The following TIAM2 variants were observed in gnomAD, a reference collection of about 807,000 sequenced individuals.
TIAM2 encodes the protein TIAM Rac1 associated GEF 2.
In TIAM2, 80 loss-of-function variants were observed where a neutral mutation model predicts 152.9. That is an observed-to-expected ratio of 0.52 (90% CI 0.44 to 0.63). The LOEUF is 0.63. Among genes scored for constraint, TIAM2 ranks in the 30% least tolerant of loss-of-function variants. TIAM2 has a pLI of 0.00. For missense variants in TIAM2, 1,965 were observed against 2,120.1 expected, an observed-to-expected ratio of 0.93 and a Z score of 1.44; for synonymous variants, 804 against 838.0, an observed-to-expected ratio of 0.96 and a Z score of 0.70.
At chr6:155,164,855 C>T (rs1419506871) in intron 8 of TIAM2, among the ~76,000 whole-genome samples, 2 of 152,168 alleles carry the variant, frequency 1.3e-5, no homozygotes, top group Admixed American at 6.5e-5. Context: ...CTCTGCCTTT[C>T]TGTGTATTCC....
intron 14 of TIAM2, among the ~76,000 whole-genome samples, chr6:155,202,103 G>A (rs1246826659): frequency 1.3e-5 from 2 of 152,208 alleles, no homozygotes; most frequent in African/African-American, 4.8e-5. Context: ...TTAAGAGTAG[G>A]TAATAATAAA....
chr6:155,086,806 G>T (rs1778181498), intron 1 of TIAM2, among the ~76,000 whole-genome samples: 1 of 151,622 alleles, frequency 6.6e-6, no homozygotes, highest in African/African-American at 2.4e-5. Context: ...TGATGGAAAA[G>T]CAAGCCAAGC....
intron 5 of TIAM2, among the ~76,000 whole-genome samples, chr6:155,140,866 C>T (rs1280882067): frequency 3.9e-5 from 6 of 152,138 alleles, no homozygotes; most frequent in African/African-American, 1.4e-4. Context: ...GCCATGGGCA[C>T]GTGGAAAGAT....
Position 155,256,695 on chromosome 6 carries a change from T to TGATGCCGA in TIAM2, c.4680_4681insGATGCCGA (p.Leu1561AspfsTer11). 6.2e-7 allele frequency: 1 copy of TGATGCCGA among 1,614,074 alleles called. No individual in the cohort carries two copies. Among genetic ancestry groups the TGATGCCGA allele is most frequent in the Non-Finnish European group, 8.5e-7 (1 of 1,180,018 alleles). ...CCGGCTTGGCAGATTTTGCCGACAA[T>TGATGCCGA]CTCATCAAAGAGAGTGACATCCTGA... is the stretch of plus-strand genomic sequence containing the variant. On this transcript the variant is annotated frameshift_variant, in exon 27 of 27. Transcript: ENST00000682666. LOFTEE classifies it low-confidence loss of function (END_TRUNC).
intron 7 of TIAM2, among the ~76,000 whole-genome samples, chr6:155,157,323 C>T (rs557936107): frequency 5.1e-4 from 78 of 152,296 alleles, no homozygotes; most frequent in African/African-American, 1.8e-3. Context: ...TTTATCAGAG[C>T]CTCTGCCTTA....
intron 2 of TIAM2, among the ~76,000 whole-genome samples, chr6:155,110,356 TAC>T (rs1778812691): frequency 6.6e-6 from 1 of 151,246 alleles, no homozygotes; most frequent in South Asian, 2.1e-4. Context: ...TCTATTTACT[TAC>T]CTGTTTACCA....
At chr6:155,120,799 T>G (rs1779132622) in intron 2 of TIAM2, among the ~76,000 whole-genome samples, 1 of 152,150 alleles carries the variant, frequency 6.6e-6, no homozygotes, top group Admixed American at 6.5e-5. Flanking sequence ...ACCCACTAGG[T>G]GACAGTAGCA....
In TIAM2 at chr6:155,053,378, C is replaced by T. The variant is rs187236619; in HGVS notation, c.-208-36911C>T. 3.5e-3 allele frequency among the ~76,000 whole-genome samples: 524 copies of T among 151,194 alleles called. 3 individuals are homozygous for T. Among genetic ancestry groups the T allele is most frequent in the African/African-American group, 0.012 (489 of 41,294 alleles). ...TCACGTTGCCTAGGCTGCTCTTGAA[C>T]TCTTGATCTCATGCGATCCTCCTGC... is the stretch of plus-strand genomic sequence containing the variant. On this transcript the variant is annotated intron_variant, in intron 1 of 26. Coordinates refer to ENST00000682666, the MANE Select transcript of TIAM2 (RefSeq NM_012454.4).
intron 14 of TIAM2, among the ~76,000 whole-genome samples, chr6:155,191,745 A>G (rs1340201892): frequency 6.6e-6 from 1 of 152,126 alleles, no homozygotes; most frequent in Non-Finnish European, 1.5e-5. Flanking sequence ...TAGTGAGCCA[A>G]GATTGCGCCA....
chr6:155,028,901 A>G, intron 1 of TIAM2, among the ~76,000 whole-genome samples: 1 of 108,460 alleles, frequency 9.2e-6, no homozygotes, highest in South Asian at 2.9e-4. Flanking sequence ...TGTATATACT[A>G]TCTATACTAT....
chr6:155,004,478 C>T (rs1778365515), intron 1 of TIAM2, among the ~76,000 whole-genome samples: 1 of 152,174 alleles, frequency 6.6e-6, no homozygotes. Context: ...GCAACCCCCA[C>T]CTCCTGGGTT....
At chr6:155,187,573 C>CCTCTTTT (rs1189509294) in intron 14 of TIAM2, among the ~76,000 whole-genome samples, 10 of 49,612 alleles carry the variant, frequency 2.0e-4, no homozygotes, top group Admixed American at 5.6e-4. Context: ...ACCCCGCCCC[C>CCTCTTTT]TTTTTTTTTT....
At chr6:155,103,924 A>G (rs2114996139) in intron 2 of TIAM2, among the ~76,000 whole-genome samples, 1 of 150,050 alleles carries the variant, frequency 6.7e-6, no homozygotes, top group East Asian at 1.9e-4. Context: ...ACTGGCTGTT[A>G]TTTTATTTTA....
intron 1 of TIAM2, among the ~76,000 whole-genome samples, chr6:155,081,043 A>C (rs1168200250): frequency 6.6e-6 from 1 of 152,206 alleles, no homozygotes; most frequent in Non-Finnish European, 1.5e-5. Context: ...GGGGCCAGTC[A>C]GGAAATATTT....
At position 155,256,638 on chromosome 6, in the gene TIAM2, C is replaced by T. The variant is rs1463851280; in HGVS notation, c.4623C>T (p.Ser1541=). 2 of 1,614,176 alleles carry T rather than the reference C, an allele frequency of 1.2e-6. No homozygotes were observed. Among genetic ancestry groups the T allele is most frequent in the South Asian group, 1.1e-5 (1 of 91,084 alleles). ...GCPTAEGRQD[S]KSTSPGKYPH... Reference sequence around the variant, plus strand: ...CCACGGCTGAGGGCAGGCAGGACTCCAAGAGCACTTCTCCCGGGAAATACC... The same window carrying T: ...CCACGGCTGAGGGCAGGCAGGACTCTAAGAGCACTTCTCCCGGGAAATACC... The change falls in exon 27 of 27, where the codon TCC becomes TCT. Residue 1541 remains serine (S), a synonymous_variant. Transcript: ENST00000682666.
intron 9 of TIAM2, among the ~76,000 whole-genome samples, chr6:155,172,659 T>TATATATATATATATATAGATATATAG (rs1780622698): frequency 1.1e-4 from 1 of 9,042 alleles, no homozygotes; most frequent in African/African-American, 2.8e-4. Context: ...TATATATATA[T>TATATATATATATATATAGATATATAG]ATATATATAT....
intron 16 of TIAM2, among the ~76,000 whole-genome samples, chr6:155,240,999 G>A (rs1783005711): frequency 6.6e-6 from 1 of 152,270 alleles, no homozygotes; most frequent in Non-Finnish European, 1.5e-5. Context: ...TGGGAAGGGA[G>A]TCTGTACTGG....
In TIAM2 at chr6:155,115,121, C is replaced by T. The variant is rs1442225223; in HGVS notation, c.-117-12369C>T. 2.7e-5 allele frequency among the ~76,000 whole-genome samples: 4 copies of T among 149,242 alleles called. No homozygotes were observed. The South Asian group carries it at 8.5e-4, about 32-fold the overall frequency. ...GGGATTACAGGCGTGAGCCACTGGG[C>T]CTGGCCAAACCACTCTTTTGAAAGG... On this transcript the variant is annotated intron_variant, in intron 2 of 26. Transcript: ENST00000682666.
intron 1 of TIAM2, among the ~76,000 whole-genome samples, chr6:155,026,657 G>A (rs1387366708): frequency 2.6e-5 from 4 of 152,230 alleles, no homozygotes; most frequent in Admixed American, 1.3e-4. Context: ...GTGGCCCCTT[G>A]GCCCTGGTGC....
Sources: allele counts gnomAD v4.1 joint callset (sites outside exome capture counted in the v4.1 genomes callset), GRCh38; gene constraint gnomAD v4.1.1; transcripts MANE v1.5; gene names NCBI Gene and HGNC (gene_info 2026-07-23, HGNC 2026-07-21).